The following CYP4F3 variants were observed in gnomAD, a reference collection of about 807,000 sequenced individuals.
The protein encoded by CYP4F3 is cytochrome P450 4F3.
CYP4F3 carries 50 observed loss-of-function variants against 54.8 expected under a neutral mutation model. That is an observed-to-expected ratio of 0.91 (90% CI 0.73 to 1.16). The LOEUF (loss-of-function observed/expected upper bound fraction) is 1.16. CYP4F3 is among the 50% of genes most tolerant of loss of function. The pLI, the probability that CYP4F3 is intolerant of heterozygous loss-of-function variation, is 0.00. For missense variants in CYP4F3, 715 were observed against 676.2 expected (o/e 1.06, Z -0.64); for synonymous variants, 244 against 262.6 (o/e 0.93, Z 0.69).
chr19:15,647,285 C>G lies in CYP4F3; in HGVS notation c.486C>G (p.Pro162=), dbSNP rs1972658594. The G allele has an allele frequency of 3.1e-6, 5 of 1,614,186 alleles. No individual in the cohort carries two copies. Among genetic ancestry groups the G allele is most frequent in the Non-Finnish European group, 3.4e-6 (4 of 1,180,042 alleles). Residue 162 remains proline, a synonymous_variant, in exon 5 of 13, where the codon CCC becomes CCG. Coordinates refer to ENST00000221307, the MANE Select transcript of CYP4F3 (RefSeq NM_000896.3). The part of the protein sequence containing the change: ...TPAFHFNILK[P]YMKIFNESVN... ...CCTTCCATTTCAACATCCTGAAGCC[C>G]TATATGAAGATTTTCAATGAGAGTG...
intron 2 of CYP4F3, 89 bp from the exon 3 acceptor site, chr19:15,645,630 C>T (rs1343908361): frequency 6.7e-7 from 1 of 1,482,674 alleles, no homozygotes; most frequent in African/African-American, 1.4e-5. Context: ...TTGAAATTCT[C>T]AGGGAGAGGG....
In CYP4F3 at chr19:15,660,734, T is replaced by TTTG. The variant is rs1308153597; in HGVS notation, c.*1349_*1350insTTG. 6.6e-6 allele frequency: 1 copy of TTTG among 152,066 alleles called. No homozygotes were observed. Among genetic ancestry groups the TTTG allele is most frequent in the African/African-American group, 2.4e-5 (1 of 41,154 alleles). The allele number at this position is 152,066 out of a possible 1,614,324, so 9.4% of individuals were successfully genotyped here. On this transcript the variant is annotated 3_prime_UTR_variant, in exon 13 of 13. Transcript: ENST00000221307. ...GGGGTGCCTAATTTTTTTTTTTTTTTGAGATGGAGTCTCGCTCTGTTGCCC... is the reference window on the plus strand; with the variant it reads ...GGGGTGCCTAATTTTTTTTTTTTTTTTTGGAGATGGAGTCTCGCTCTGTTGCCC...
chr19:15,642,949 G>A (rs8106799), intron 2 of CYP4F3, among the ~76,000 whole-genome samples: 69,773 of 151,472 alleles, frequency 0.46, 17,345 homozygotes, highest in East Asian at 0.68. Context: ...TAGTAGATAA[G>A]ATGGATACAT....
At chr19:15,644,232 T>A (rs1217650760) in intron 2 of CYP4F3, among the ~76,000 whole-genome samples, 2 of 152,192 alleles carry the variant, frequency 1.3e-5, no homozygotes, top group Non-Finnish European at 2.9e-5. Flanking sequence ...CTCTCTCCAT[T>A]GCCATCTGAC....
intron 7 of CYP4F3, among the ~76,000 whole-genome samples, chr19:15,650,948 C>T (rs904376422): frequency 6.7e-6 from 1 of 148,388 alleles, no homozygotes; most frequent in South Asian, 2.1e-4. Flanking sequence ...GATTTTGGCT[C>T]ACTGGTAACC....
rs1160151169 is a variant in CYP4F3 at position 15,649,416 on chromosome 19, G to A, written c.647+135G>A. On this transcript the variant is annotated intron_variant, in intron 6 of 12. Transcript: ENST00000221307. ...GTTATACCTGATCGTTGAAGGACTGGTATGAATTTTATCTTGAGGTTTCCA... is the reference window on the plus strand; with the variant it reads ...GTTATACCTGATCGTTGAAGGACTGATATGAATTTTATCTTGAGGTTTCCA... 6 of 1,437,278 alleles carry A rather than the reference G, an allele frequency of 4.2e-6. No homozygotes were observed. In the Admixed American group the frequency reaches 1.3e-4, roughly 31 times the overall value. The allele number at this position is 1,437,278 out of a possible 1,614,324, so 89.0% of individuals were successfully genotyped here.
Position 15,652,862 on chromosome 19 carries a change from A to G in CYP4F3, c.1025A>G (p.Tyr342Cys). The G allele has an allele frequency of 1.2e-6, 2 of 1,613,766 alleles. No individual in the cohort carries two copies. Among genetic ancestry groups the G allele is most frequent in the Non-Finnish European group, 8.5e-7 (1 of 1,179,802 alleles). The change falls in exon 9 of 13, where the codon TAC (tyrosine) becomes TGC (cysteine). Residue 342 changes from tyrosine to cysteine, a missense_variant. Physicochemically the swap from Tyr to Cys is radical, Grantham distance 194. Coordinates refer to ENST00000221307, the MANE Select transcript of CYP4F3 (RefSeq NM_000896.3). ...TTASGLSWVL[Y>C]HLAKHPEYQE... is the part of the protein sequence containing the mutation. The stretch of plus-strand genomic sequence containing the variant: ...GCCAGTGGTCTCTCCTGGGTCCTGT[A>G]CCACCTTGCAAAGCACCCGGAATAC...
At chr19:15,641,707 G>C in intron 2 of CYP4F3, 94 bp downstream of exon 2, 1 of 832,942 alleles carries the variant, frequency 1.2e-6, no homozygotes, top group Non-Finnish European at 1.9e-6. Context: ...GTGGGCTGGG[G>C]TCTGGGGTGG....
Position 15,647,193 on chromosome 19 carries a change from C to G in CYP4F3, c.398-4C>G. 6 of 1,614,222 alleles carry G rather than the reference C, an allele frequency of 3.7e-6. No homozygotes were observed. In the Middle Eastern group the frequency reaches 6.6e-4, roughly 178 times the overall value. On this transcript the variant is annotated splice_polypyrimidine_tract_variant and splice_region_variant and intron_variant, in intron 4 of 12. Coordinates refer to ENST00000221307, the MANE Select transcript of CYP4F3 (RefSeq NM_000896.3). Reference sequence around the variant, plus strand: ...TTGCCCATGGCCCTTGGCTGCCCTGCCAGGGGATGGGCTCCTGCTGAGTGC... The same window carrying G: ...TTGCCCATGGCCCTTGGCTGCCCTGGCAGGGGATGGGCTCCTGCTGAGTGC...
chr19:15,651,594 GTCTCA>G (rs1390059659), intron 7 of CYP4F3, among the ~76,000 whole-genome samples: 1 of 96,332 alleles, frequency 1.0e-5, no homozygotes, highest in Non-Finnish European at 2.6e-5. Flanking sequence ...TGATCTGCCT[GTCTCA>G]GCCTCCCAAA....
rs1725136980 is a variant in CYP4F3 at position 15,650,086 on chromosome 19, G to GGC, written c.824_825dup (p.Arg276AlafsTer30). ...TTCACAGATGCCGTCATCCAGGAGCGGCGCCGCACCCTCCCTAGCCAGGGT... is the reference window on the plus strand; with the variant it reads ...TTCACAGATGCCGTCATCCAGGAGCGGCGCGCCGCACCCTCCCTAGCCAGGGT... On this transcript the variant is annotated frameshift_variant, in exon 7 of 13. Coordinates refer to ENST00000221307, the MANE Select transcript of CYP4F3 (RefSeq NM_000896.3). LOFTEE classifies it high-confidence loss of function. 6.2e-7 allele frequency: 1 copy of GGC among 1,614,062 alleles called. No homozygotes were observed. The highest frequency in any genetic ancestry group is 1.7e-5 in the Admixed American group (1 of 60,004).
intron 8 of CYP4F3, 37 bp downstream of exon 8, chr19:15,652,672 G>C (rs1198146516): frequency 6.2e-7 from 1 of 1,614,008 alleles, no homozygotes; most frequent in East Asian, 2.2e-5. Flanking sequence ...TGGGGACTTG[G>C]ATATCTCCAT....
At chr19:15,653,725 AAGAGAGAGAGGAG>A in intron 9 of CYP4F3, among the ~76,000 whole-genome samples, 1 of 122,700 alleles carries the variant, frequency 8.1e-6, no homozygotes, top group Non-Finnish European at 1.7e-5. Context: ...TCGGGGGAGG[AAGAGAGAGAGGAG>A]AGAGAGAGAG....
chr19:15,643,915 C>T, intron 2 of CYP4F3: 1 of 1,582,402 alleles, frequency 6.3e-7, no homozygotes, highest in South Asian at 1.2e-5. Context: ...AGGTCACCCC[C>T]ACGGAGCAGG....
At chr19:15,654,122 G>A (rs1243663693) in intron 9 of CYP4F3, among the ~76,000 whole-genome samples, 3 of 152,170 alleles carry the variant, frequency 2.0e-5, no homozygotes, top group African/African-American at 4.8e-5. Context: ...GAGTGGACGG[G>A]TGTCTTGGAC....
chr19:15,658,577 T>A (rs765887629), intron 11 of CYP4F3, 22 bp downstream of exon 11: 1 of 1,613,836 alleles, frequency 6.2e-7, no homozygotes, highest in Non-Finnish European at 8.5e-7. Context: ...CCGTCTCTGT[T>A]TTTGTCCATT....
intron 5 of CYP4F3, among the ~76,000 whole-genome samples, chr19:15,648,784 C>T (rs1297148590): frequency 6.6e-6 from 1 of 152,302 alleles, no homozygotes; most frequent in East Asian, 1.9e-4. Flanking sequence ...CAAGTTCACC[C>T]AGCTAATGAG....
intron 2 of CYP4F3, among the ~76,000 whole-genome samples, chr19:15,642,398 TG>T (rs760695698): frequency 5.9e-5 from 9 of 152,196 alleles, no homozygotes; most frequent in Non-Finnish European, 1.2e-4. Flanking sequence ...CCCTAGTGAC[TG>T]CTGAGAAGGG....
At chr19:15,658,110 T>A in intron 9 of CYP4F3, 154 bp from the exon 10 acceptor site, 1 of 984,068 alleles carries the variant, frequency 1.0e-6, no homozygotes, top group African/African-American at 1.7e-5. Context: ...TCTGCAACAG[T>A]GTCACACTGT....
Sources: gnomAD v4.1 joint callset for allele counts (sites outside exome capture counted in the v4.1 genomes callset) on GRCh38, gnomAD v4.1.1 for gene constraint, MANE v1.5 for transcripts, NCBI Gene and HGNC (gene_info 2026-07-23, HGNC 2026-07-21) for gene names.